Variants in RAD9B observed in about 807,000 individuals in gnomAD.
RAD9B encodes cell cycle checkpoint control protein RAD9B.
A neutral mutation model predicts 48.3 loss-of-function variants in RAD9B; 41 were observed. That is an observed-to-expected ratio of 0.85 (90% confidence interval 0.66 to 1.10). The LOEUF (loss-of-function observed/expected upper bound fraction) is 1.10. RAD9B is among the 50% of genes least tolerant of loss of function. RAD9B has a pLI of 0.00. For synonymous variants in RAD9B, 160 were observed against 157.9 expected, an observed-to-expected ratio of 1.01 and a Z score of -0.10; for missense variants, 444 against 485.1, an observed-to-expected ratio of 0.92 and a Z score of 0.80.
chr12:110,525,626 C>T (rs1490495883), intron 10 of RAD9B, among the ~76,000 whole-genome samples: 1 of 152,084 alleles, frequency 6.6e-6, no homozygotes, highest in Non-Finnish European at 1.5e-5. Context: ...ATCATATGGT[C>T]AAGGTGGTGT....
At chr12:110,529,898 T>G (rs982053158) in intron 10 of RAD9B, among the ~76,000 whole-genome samples, 1 of 152,170 alleles carries the variant, frequency 6.6e-6, no homozygotes, top group Admixed American at 6.6e-5. Context: ...ATGGATTAAT[T>G]AATCCAGTGG....
Position 110,522,274 on chromosome 12 carries a change from G to A in RAD9B, c.988G>A (p.Glu330Lys). Reference protein sequence around the residue: ...KAAPRRLYPKETLTNISALEN... With the variant: ...KAAPRRLYPKKTLTNISALEN... ...AGCACCAAGAAGGCTTTATCCTAAG[G>A]AGACTCTCACAAACATATCTGCATT... Residue 330 changes from glutamate (E) to lysine (K), a missense_variant, in exon 10 of 11, where the codon GAG (glutamate) becomes AAG (lysine). Glu to Lys is a moderately conservative substitution (Grantham distance 56, BLOSUM62 1). Coordinates refer to ENST00000409300, the MANE Select transcript of RAD9B (RefSeq NM_001286535.2). 1 of 1,613,142 alleles carries A rather than the reference G, an allele frequency of 6.2e-7. No individual in the cohort carries two copies. Among genetic ancestry groups the A allele is most frequent in the Non-Finnish European group, 8.5e-7 (1 of 1,179,590 alleles).
chr12:110,526,607 A>G (rs1057036308), intron 10 of RAD9B, among the ~76,000 whole-genome samples: 6 of 152,208 alleles, frequency 3.9e-5, no homozygotes, highest in Admixed American at 6.6e-5. Flanking sequence ...TTTAGAGGCA[A>G]TTGAAACCAT....
At position 110,531,854 on chromosome 12, in the gene RAD9B, T is replaced by C. The variant is rs1240570510; in HGVS notation, c.*1201T>C. On this transcript the variant is annotated 3_prime_UTR_variant, in exon 11 of 11. Transcript: ENST00000409300. ...TATAACCTGACAAACGAGACTTTTG[T>C]AACATATTATTGTTACATCTTTCTG... The C allele has an allele frequency of 4.3e-5, 22 of 508,206 alleles. No individual in the cohort carries two copies. The highest frequency in any genetic ancestry group is 2.4e-4 in the Admixed American group (6 of 24,940). The allele number at this position is 508,206 out of a possible 1,614,324, so 31.5% of individuals were successfully genotyped here.
chr12:110,503,188 GTGAGT>G (rs1408824841), intron 1 of RAD9B: 1 of 152,762 alleles, frequency 6.5e-6, no homozygotes, highest in Non-Finnish European at 1.5e-5. Flanking sequence ...TGAGGCTGCA[GTGAGT>G]TGAGCTCGTG....
rs1300894828 is a variant in RAD9B at position 110,532,867 on chromosome 12, T to C, written c.*2214T>C. Among the ~76,000 whole-genome samples, 1 of 152,228 alleles carries C rather than the reference T, an allele frequency of 6.6e-6. No homozygotes were observed. Among genetic ancestry groups the C allele is most frequent in the Admixed American group, 6.5e-5 (1 of 15,280 alleles). On this transcript the variant is annotated 3_prime_UTR_variant, in exon 11 of 11. Coordinates refer to ENST00000409300, the MANE Select transcript of RAD9B (RefSeq NM_001286535.2). ...CATATAGCCCAGATGTGTAGTAGGC[T>C]AGACCATCTAGGCTTGTGTCAGTAC...
chr12:110,505,135 A>G (rs1383390195), intron 2 of RAD9B, among the ~76,000 whole-genome samples: 1 of 152,108 alleles, frequency 6.6e-6, no homozygotes, highest in Admixed American at 6.5e-5. Flanking sequence ...GTATACACCT[A>G]TATATACGTA....
At chr12:110,526,388 G>C (rs1021719009) in intron 10 of RAD9B, among the ~76,000 whole-genome samples, 3 of 152,166 alleles carry the variant, frequency 2.0e-5, no homozygotes, top group African/African-American at 4.8e-5. Context: ...GGGGACAAGG[G>C]AGGGTAGCAA....
In RAD9B at chr12:110,531,521, A is replaced by AT. The variant is rs376038474; in HGVS notation, c.*871dup. ...GTGTTTTTACATATTGTAAAATTTT[A>AT]TTTCCTAACCTCAAATTGTTCTGAT... is the stretch of plus-strand genomic sequence containing the variant. On this transcript the variant is annotated 3_prime_UTR_variant, in exon 11 of 11. Coordinates refer to ENST00000409300, the MANE Select transcript of RAD9B (RefSeq NM_001286535.2). 232 of 1,314,016 alleles carry AT rather than the reference A, an allele frequency of 1.8e-4. 1 individual carries two copies. The African/African-American group carries it at 2.9e-3, about 16-fold the overall frequency. The allele number at this position is 1,314,016 out of a possible 1,614,324, so 81.4% of individuals were successfully genotyped here.
intron 6 of RAD9B, among the ~76,000 whole-genome samples, chr12:110,516,208 G>C (rs959233740): frequency 6.6e-6 from 1 of 151,448 alleles, no homozygotes; most frequent in African/African-American, 2.4e-5. Flanking sequence ...GCCCAGGCAA[G>C]ACAGCAAGAT....
intron 4 of RAD9B, among the ~76,000 whole-genome samples, chr12:110,511,910 G>A (rs1462835625): frequency 3.3e-5 from 5 of 151,322 alleles, no homozygotes; most frequent in African/African-American, 9.7e-5. Context: ...GCAGTGGCAC[G>A]ATCTCGGCTC....
chr12:110,511,509 G>A (rs1165681800), intron 4 of RAD9B: 1 of 452,758 alleles, frequency 2.2e-6, no homozygotes, highest in Admixed American at 2.4e-5. Flanking sequence ...TTCTCACAAT[G>A]TGGACGCTAA....
At chr12:110,522,493 C>G in intron 10 of RAD9B, 82 bp downstream of exon 10, 1 of 930,826 alleles carries the variant, frequency 1.1e-6, no homozygotes, top group Non-Finnish European at 1.6e-6. Flanking sequence ...CAATCCCCAC[C>G]CAGCCATGTT....
At chr12:110,512,387 G>A (rs536405072) in intron 4 of RAD9B, among the ~76,000 whole-genome samples, 5 of 151,678 alleles carry the variant, frequency 3.3e-5, no homozygotes, top group African/African-American at 9.7e-5. Context: ...GGCCTCAAGC[G>A]ATCCACCTGC....
At chr12:110,519,721 G>A (rs1454690115) in intron 8 of RAD9B, 73 bp from the exon 9 acceptor site, 2 of 1,492,840 alleles carry the variant, frequency 1.3e-6, no homozygotes, top group Non-Finnish European at 1.8e-6. Flanking sequence ...CCAGAATTAA[G>A]TATCATTTCT....
intron 9 of RAD9B, among the ~76,000 whole-genome samples, 155 bp from the exon 10 acceptor site, chr12:110,522,022 A>G (rs1054026854): frequency 1.3e-5 from 2 of 152,198 alleles, no homozygotes; most frequent in African/African-American, 4.8e-5. Flanking sequence ...AAATGATCAT[A>G]TATATAAATT....
chr12:110,521,539 A>T (rs999892739), intron 9 of RAD9B, among the ~76,000 whole-genome samples: 2 of 148,966 alleles, frequency 1.3e-5, no homozygotes, highest in African/African-American at 2.5e-5. Context: ...ACTGATAATG[A>T]CTTGAAAACA....
rs1338453374 is a variant in RAD9B, at chr12:110,513,106, C to T, written c.488+228C>T. On this transcript the variant is annotated intron_variant, in intron 5 of 10. Coordinates refer to ENST00000409300, the MANE Select transcript of RAD9B (RefSeq NM_001286535.2). ...TCAGCCTCCCGAGTAGCTGGGACTA[C>T]AGGCGCCCACCGCCACTCCTGGCTA... 2.0e-5 allele frequency among the ~76,000 whole-genome samples: 3 copies of T among 151,788 alleles called. No individual in the cohort carries two copies. In the South Asian group the frequency reaches 6.3e-4, roughly 32 times the overall value.
chr12:110,512,944 A>G (rs914501732), intron 5 of RAD9B, 66 bp downstream of exon 5: 1 of 780,070 alleles, frequency 1.3e-6, no homozygotes, highest in Non-Finnish European at 2.1e-6. Context: ...TGAAGAATCA[A>G]TGCCCTAGAG....
Sources: gnomAD v4.1 joint callset for allele counts (sites outside exome capture counted in the v4.1 genomes callset) on GRCh38, gnomAD v4.1.1 for gene constraint, MANE v1.5 for transcripts, NCBI Gene and HGNC (gene_info 2026-07-23, HGNC 2026-07-21) for gene names.